Variants in CACNG3 observed in about 807,000 individuals in gnomAD.
CACNG3 encodes the protein calcium voltage-gated channel auxiliary subunit gamma 3.
In CACNG3, 3 loss-of-function variants were observed where a neutral mutation model predicts 28.5. The ratio of observed to expected loss-of-function variants is 0.11; its 90% CI spans 0.05 to 0.27. The LOEUF is 0.27. Among genes scored for constraint, CACNG3 ranks in the 10% least tolerant of loss-of-function variants. The probability of loss-of-function intolerance (pLI) is 1.00; values close to 1 mark genes in which losing one functional copy is unlikely to be tolerated. For missense variants in CACNG3, 236 were observed against 414.4 expected, an observed-to-expected ratio of 0.57 and a Z score of 3.74; for synonymous variants, 174 against 162.2, an observed-to-expected ratio of 1.07 and a Z score of -0.55.
chr16:24,343,296 T>C (rs1239696900), intron 1 of CACNG3, among the ~76,000 whole-genome samples: 1 of 152,104 alleles, frequency 6.6e-6, no homozygotes, highest in East Asian at 1.9e-4. Flanking sequence ...TCACCATGAA[T>C]AGGCCCATTT....
At chr16:24,355,904 T>C (rs184548089) in intron 3 of CACNG3, among the ~76,000 whole-genome samples, 75 of 152,246 alleles carry the variant, frequency 4.9e-4, no homozygotes, top group African/African-American at 1.7e-3. Context: ...GAAGACCTTA[T>C]AGTCAATAGG....
chr16:24,347,968 T>C (rs1899891277), intron 2 of CACNG3, among the ~76,000 whole-genome samples: 1 of 152,188 alleles, frequency 6.6e-6, no homozygotes, highest in South Asian at 2.1e-4. Flanking sequence ...CAATATGCAT[T>C]AGCTCCCGTT....
At chr16:24,282,251 G>T (rs1898838745) in intron 1 of CACNG3, among the ~76,000 whole-genome samples, 1 of 152,158 alleles carries the variant, frequency 6.6e-6, no homozygotes, top group Non-Finnish European at 1.5e-5. Context: ...ACAGAGACTA[G>T]AATCCTATGG....
intron 1 of CACNG3, among the ~76,000 whole-genome samples, chr16:24,291,571 G>A (rs1302276178): frequency 6.6e-6 from 1 of 152,194 alleles, no homozygotes; most frequent in Non-Finnish European, 1.5e-5. Context: ...ATTCTTCTTA[G>A]AAAAATTTTG....
At chr16:24,330,360 C>A (rs865969294) in intron 1 of CACNG3, among the ~76,000 whole-genome samples, 1 of 152,216 alleles carries the variant, frequency 6.6e-6, no homozygotes, top group South Asian at 2.1e-4. Context: ...ACCCTCCCCA[C>A]AAACCTTCCA....
chr16:24,353,933 C>T (rs1899994555), intron 2 of CACNG3, among the ~76,000 whole-genome samples: 1 of 152,120 alleles, frequency 6.6e-6, no homozygotes, highest in African/African-American at 2.4e-5. Flanking sequence ...TGGCTCATGC[C>T]TATAATCCCA....
At chr16:24,264,539 C>T (rs946096475) in intron 1 of CACNG3, among the ~76,000 whole-genome samples, 1 of 152,168 alleles carries the variant, frequency 6.6e-6, no homozygotes, top group Non-Finnish European at 1.5e-5. Flanking sequence ...ATCCCTGCTA[C>T]ACAGAGCGCC....
intron 1 of CACNG3, among the ~76,000 whole-genome samples, chr16:24,336,975 C>T (rs1465854725): frequency 3.9e-5 from 6 of 152,064 alleles, no homozygotes; most frequent in Non-Finnish European, 8.8e-5. Flanking sequence ...CCACCATGTC[C>T]AGTTAATTTC....
chr16:24,314,731 T>TTGC (rs1899322888), intron 1 of CACNG3, among the ~76,000 whole-genome samples: 2 of 89,784 alleles, frequency 2.2e-5, no homozygotes, highest in Non-Finnish European at 5.1e-5. Flanking sequence ...CCTAGGACTC[T>TTGC]CGCCTCCTCC....
chr16:24,322,537 G>A (rs1899478820), intron 1 of CACNG3, among the ~76,000 whole-genome samples: 1 of 152,034 alleles, frequency 6.6e-6, no homozygotes, highest in East Asian at 1.9e-4. Context: ...TTATGCATTA[G>A]CTCTGTTTTT....
At chr16:24,346,525 C>A (rs2141379901) in intron 1 of CACNG3, among the ~76,000 whole-genome samples, 1 of 152,276 alleles carries the variant, frequency 6.6e-6, no homozygotes, top group East Asian at 1.9e-4. Flanking sequence ...CTGCAGTGAG[C>A]CATGATTGCA....
chr16:24,270,506 T>G (rs1344026764), intron 1 of CACNG3, among the ~76,000 whole-genome samples: 1 of 152,206 alleles, frequency 6.6e-6, no homozygotes, highest in East Asian at 1.9e-4. Context: ...GAGCCAGAGG[T>G]CTGCTGCGCA....
intron 1 of CACNG3, among the ~76,000 whole-genome samples, chr16:24,285,401 C>A (rs567969416): frequency 2.0e-5 from 3 of 152,170 alleles, no homozygotes; most frequent in Non-Finnish European, 4.4e-5. Flanking sequence ...AATAATACCC[C>A]CTACTCTATT....
intron 1 of CACNG3, among the ~76,000 whole-genome samples, chr16:24,279,581 A>G (rs1365537939): frequency 1.3e-5 from 2 of 152,174 alleles, no homozygotes; most frequent in Admixed American, 1.3e-4. Flanking sequence ...CTGGAACTAC[A>G]AGGGTGACCC....
intron 1 of CACNG3, among the ~76,000 whole-genome samples, chr16:24,308,176 G>C (rs1196467291): frequency 6.6e-6 from 1 of 152,222 alleles, no homozygotes; most frequent in African/African-American, 2.4e-5. Flanking sequence ...TGAATGAAGA[G>C]ATGAGCAGGA....
At chr16:24,357,523 G>A (rs1182642537) in intron 3 of CACNG3, among the ~76,000 whole-genome samples, 1 of 152,154 alleles carries the variant, frequency 6.6e-6, no homozygotes, top group Non-Finnish European at 1.5e-5. Flanking sequence ...CTTCCCCACT[G>A]CTTCGCCGGC....
intron 1 of CACNG3, among the ~76,000 whole-genome samples, chr16:24,274,957 A>G (rs1050871047): frequency 1.3e-5 from 2 of 152,172 alleles, no homozygotes; most frequent in African/African-American, 4.8e-5. Flanking sequence ...CTCAATCCTG[A>G]TGTTATAGCT....
intron 1 of CACNG3, among the ~76,000 whole-genome samples, chr16:24,270,689 C>T (rs1251431900): frequency 6.6e-6 from 1 of 152,238 alleles, no homozygotes; most frequent in Non-Finnish European, 1.5e-5. Flanking sequence ...TGGGGCTCAG[C>T]TGCAGTGACA....
chr16:24,293,363 C>T (rs901927450), intron 1 of CACNG3, among the ~76,000 whole-genome samples: 1 of 152,088 alleles, frequency 6.6e-6, no homozygotes, highest in Non-Finnish European at 1.5e-5. Flanking sequence ...CTCTGGTTCT[C>T]TTTAGCCTTG....
Sources: allele counts gnomAD v4.1 joint callset (sites outside exome capture counted in the v4.1 genomes callset), GRCh38; gene constraint gnomAD v4.1.1; transcripts MANE v1.5; gene names NCBI Gene and HGNC (gene_info 2026-07-23, HGNC 2026-07-21).